ARHGAP31: variants seen among roughly 807,000 people sequenced by gnomAD.
ARHGAP31 encodes rho GTPase-activating protein 31.
In ARHGAP31, 34 loss-of-function variants were observed where a neutral mutation model predicts 113.9. That is an observed-to-expected ratio of 0.30 (90% CI 0.23 to 0.40). The LOEUF (loss-of-function observed/expected upper bound fraction) is 0.40, where lower values mean the gene tolerates loss of function less well. ARHGAP31 is among the 10% of genes least tolerant of loss of function. ARHGAP31 has a pLI of 1.00. For synonymous variants in ARHGAP31, 650 were observed against 684.8 expected, an observed-to-expected ratio of 0.95 and a Z score of 0.79; for missense variants, 1,548 against 1,767.1, an observed-to-expected ratio of 0.88 and a Z score of 2.22.
At chr3:119,307,432 G>A (rs2079639771) in intron 1 of ARHGAP31, among the ~76,000 whole-genome samples, 1 of 152,180 alleles carries the variant, frequency 6.6e-6, no homozygotes, top group South Asian at 2.1e-4. Context: ...TGCTATAGAT[G>A]TGGAAGTTGA....
intron 1 of ARHGAP31, among the ~76,000 whole-genome samples, chr3:119,308,584 T>C (rs1018333616): frequency 6.6e-6 from 1 of 152,244 alleles, no homozygotes. Flanking sequence ...CAATGACTCA[T>C]GTGATCAGGT....
chr3:119,357,060 T>A (rs1242203963), intron 1 of ARHGAP31, among the ~76,000 whole-genome samples: 1 of 152,224 alleles, frequency 6.6e-6, no homozygotes, highest in Non-Finnish European at 1.5e-5. Flanking sequence ...CACTGTGTGT[T>A]AACAAACTTA....
chr3:119,407,595 G>C (rs1310890757), intron 10 of ARHGAP31, among the ~76,000 whole-genome samples: 7 of 152,182 alleles, frequency 4.6e-5, no homozygotes. Context: ...GCTAATAAAA[G>C]TAGTTATCTA....
In ARHGAP31 at chr3:119,365,431, A is replaced by G. The variant is rs1354110136; in HGVS notation, c.203+13A>G. The G allele has an allele frequency of 6.2e-7, 1 of 1,602,890 alleles. No homozygotes were observed. The highest frequency in any genetic ancestry group is 1.3e-5 in the African/African-American group (1 of 74,692). On this transcript the variant is annotated intron_variant, in intron 2 of 11. Transcript: ENST00000264245. The stretch of plus-strand genomic sequence containing the variant: ...TACAACGGCTAAGGTAAGCTAAAAG[A>G]ATAGCCCTAAAAGAATTCTCCCATG...
chr3:119,323,781 T>C (rs750993951), intron 1 of ARHGAP31, among the ~76,000 whole-genome samples: 4 of 152,210 alleles, frequency 2.6e-5, no homozygotes, highest in Admixed American at 2.0e-4. Context: ...TGATGTTTAA[T>C]AGAAAATGTT....
chr3:119,300,884 C>T (rs2107592514), intron 1 of ARHGAP31, among the ~76,000 whole-genome samples: 1 of 151,426 alleles, frequency 6.6e-6, no homozygotes, highest in South Asian at 2.1e-4. Flanking sequence ...GACACAGCCT[C>T]AGCTGAGTCC....
chr3:119,402,488 G>A (rs1426343059), intron 10 of ARHGAP31, 91 bp downstream of exon 10: 6 of 1,395,146 alleles, frequency 4.3e-6, no homozygotes, highest in Non-Finnish European at 9.9e-7. Flanking sequence ...TAGTGCGGTG[G>A]TTAAGCCTGT....
At chr3:119,405,062 T>G (rs1306717317) in intron 10 of ARHGAP31, among the ~76,000 whole-genome samples, 1 of 152,220 alleles carries the variant, frequency 6.6e-6, no homozygotes, top group African/African-American at 2.4e-5. Context: ...AATCCAGAAT[T>G]TCCCTAAGAG....
At chr3:119,394,761 C>A (rs2080533747) in intron 8 of ARHGAP31, among the ~76,000 whole-genome samples, 1 of 151,896 alleles carries the variant, frequency 6.6e-6, no homozygotes. Context: ...TCGAGACCAG[C>A]CTGAGGAACA....
intron 1 of ARHGAP31, among the ~76,000 whole-genome samples, chr3:119,295,428 C>T (rs77411063): frequency 0.089 from 12,456 of 139,362 alleles, 674 homozygotes; most frequent in Middle Eastern, 0.11. Flanking sequence ...CCCTCCTGGG[C>T]TCTCCAATTT....
intron 1 of ARHGAP31, among the ~76,000 whole-genome samples, chr3:119,363,217 G>T (rs2080225546): frequency 6.6e-6 from 1 of 152,264 alleles, no homozygotes; most frequent in Admixed American, 6.5e-5. Context: ...GAGAGAGAGA[G>T]AGATAGAGAG....
At chr3:119,303,871 T>C (rs2079607746) in intron 1 of ARHGAP31, among the ~76,000 whole-genome samples, 1 of 152,022 alleles carries the variant, frequency 6.6e-6, no homozygotes, top group Non-Finnish European at 1.5e-5. Context: ...CTCGGCTCAC[T>C]GCAACCTCCA....
rs541648554 is a variant in ARHGAP31, at chr3:119,404,255, A to G, written c.1645+1858A>G. The stretch of plus-strand genomic sequence containing the variant: ...CTGGGCCCCATGGGGTCTTTTAGAG[A>G]CAGTCTGTTATCCGTTTTTCCCCCT... On this transcript the variant is annotated intron_variant, in intron 10 of 11. Coordinates refer to ENST00000264245, the MANE Select transcript of ARHGAP31 (RefSeq NM_020754.4). Among the ~76,000 whole-genome samples the G allele has an allele frequency of 2.6e-5, 4 of 152,262 alleles. No individual in the cohort carries two copies. In the East Asian group the frequency reaches 7.7e-4, roughly 29 times the overall value.
At chr3:119,310,806 C>T (rs565987053) in intron 1 of ARHGAP31, among the ~76,000 whole-genome samples, 2 of 152,218 alleles carry the variant, frequency 1.3e-5, no homozygotes, top group Admixed American at 1.3e-4. Context: ...AATGCTCACA[C>T]GCCTGGGAAG....
rs1395872373 is a variant in ARHGAP31 at position 119,414,400 on chromosome 3, C to T, written c.2471C>T (p.Ser824Phe). Residue 824 changes from serine to phenylalanine, a missense_variant, in exon 12 of 12, where the codon TCC (serine) becomes TTC (phenylalanine). Ser to Phe is a radical substitution (Grantham distance 155). Coordinates refer to ENST00000264245, the MANE Select transcript of ARHGAP31 (RefSeq NM_020754.4). ...RTDLYIDQLK[S>F]QDSPEISSLC... ...GATCTCTACATAGACCAGCTGAAGT[C>T]CCAAGACAGCCCTGAGATCTCTAGC... 1 of 1,614,200 alleles carries T rather than the reference C, an allele frequency of 6.2e-7. No homozygotes were observed. Among genetic ancestry groups the T allele is most frequent in the Admixed American group, 1.7e-5 (1 of 60,028 alleles).
chr3:119,358,847 A>G (rs541843467), intron 1 of ARHGAP31, among the ~76,000 whole-genome samples: 3 of 152,198 alleles, frequency 2.0e-5, no homozygotes. Flanking sequence ...AGAAGGGGAA[A>G]TGGGCAGTAA....
intron 1 of ARHGAP31, among the ~76,000 whole-genome samples, chr3:119,305,457 G>A (rs1004586838): frequency 1.3e-5 from 2 of 152,072 alleles, no homozygotes; most frequent in African/African-American, 4.8e-5. Flanking sequence ...GGGTATTATT[G>A]GGAAACAATG....
At chr3:119,351,518 A>T (rs79194811) in intron 1 of ARHGAP31, among the ~76,000 whole-genome samples, 11,624 of 152,238 alleles carry the variant, frequency 0.076, 623 homozygotes, top group Admixed American at 0.17. Flanking sequence ...CCCATCTGAA[A>T]ATAGGAGTAG....
chr3:119,394,916 G>A (rs2080535525), intron 8 of ARHGAP31, among the ~76,000 whole-genome samples: 3 of 152,168 alleles, frequency 2.0e-5, no homozygotes, highest in Admixed American at 2.0e-4. Flanking sequence ...TGGTTCTTAG[G>A]AGACATATAC....
Sources: gnomAD v4.1 joint callset for allele counts (sites outside exome capture counted in the v4.1 genomes callset) on GRCh38, gnomAD v4.1.1 for gene constraint, MANE v1.5 for transcripts, NCBI Gene and HGNC (gene_info 2026-07-23, HGNC 2026-07-21) for gene names.